MTA3: variants seen among roughly 807,000 people sequenced by gnomAD.
MTA3 encodes metastasis-associated protein MTA3.
Under a neutral mutation model 83.5 loss-of-function variants are expected in MTA3, and 34 were observed. The ratio of observed to expected loss-of-function variants is 0.41; its 90% CI spans 0.31 to 0.54. The LOEUF (loss-of-function observed/expected upper bound fraction) is 0.54, where lower values mean the gene tolerates loss of function less well. Ranked by LOEUF, MTA3 falls within the 20% of genes least tolerant of loss-of-function variation. The pLI, the probability that MTA3 is intolerant of heterozygous loss-of-function variation, is 0.33. For missense variants in MTA3, 761 were observed against 726.4 expected, an observed-to-expected ratio of 1.05 and a Z score of -0.55; for synonymous variants, 303 against 252.7, an observed-to-expected ratio of 1.20 and a Z score of -1.89.
rs1210662629 is a variant in MTA3, at chr2:42,559,589, A to G, written c.-140-10848A>G. ...AGCTGCTGGCTCTGCCTTAAAAAAT[A>G]TATCTCTGGCCAGGCGCAGTGGCTC... is the stretch of plus-strand genomic sequence containing the variant. On this transcript the variant is annotated intron_variant, in intron 2 of 17. Coordinates refer to the MTA3 transcript ENST00000405592. 1.2e-4 allele frequency among the ~76,000 whole-genome samples: 17 copies of G among 144,136 alleles called. No individual in the cohort carries two copies. The East Asian group carries it at 2.7e-3, about 22-fold the overall frequency. 94.6% of individuals were successfully genotyped at this position (144,136 alleles called of 152,430 possible).
At chr2:42,577,540 G>A (rs1404534747) in intron 2 of MTA3, among the ~76,000 whole-genome samples, 1 of 151,478 alleles carries the variant, frequency 6.6e-6, no homozygotes, top group Admixed American at 6.6e-5. Context: ...GAGTGCAGTG[G>A]TGTGGTCTTG....
At position 42,521,692 on chromosome 2, in the gene MTA3, G is replaced by A. The variant is rs181628482; in HGVS notation, c.-141+26438G>A. ...TTCAAGCCAGTTTGAGAAGCCCTTT[G>A]TCAGACTGGCTAATCTAGGCTGGAT... On this transcript the variant is annotated intron_variant, in intron 2 of 17. Transcript: ENST00000405592. 2.6e-3 allele frequency among the ~76,000 whole-genome samples: 391 copies of A among 149,712 alleles called. 2 individuals carry two copies. Among genetic ancestry groups the A allele is most frequent in the African/African-American group, 8.2e-3 (335 of 40,680 alleles).
chr2:42,739,694 A>C (rs922351723), intron 16 of MTA3, among the ~76,000 whole-genome samples: 1 of 152,200 alleles, frequency 6.6e-6, no homozygotes, highest in Non-Finnish European at 1.5e-5. Flanking sequence ...CCCACATTAG[A>C]ACTTCTTTCA....
At chr2:42,705,124 G>A (rs942091433) in intron 12 of MTA3, among the ~76,000 whole-genome samples, 3 of 152,180 alleles carry the variant, frequency 2.0e-5, no homozygotes, top group Non-Finnish European at 4.4e-5. Flanking sequence ...ATAGGAATGA[G>A]GGACGGCTGT....
intron 16 of MTA3, among the ~76,000 whole-genome samples, chr2:42,731,730 C>G (rs1216925222): frequency 6.6e-6 from 1 of 152,204 alleles, no homozygotes; most frequent in Non-Finnish European, 1.5e-5. Context: ...CCAATCATGC[C>G]TTCCCAACAG....
chr2:42,697,402 G>A (rs1264971262), intron 10 of MTA3, among the ~76,000 whole-genome samples: 1 of 152,200 alleles, frequency 6.6e-6, no homozygotes, highest in African/African-American at 2.4e-5. Context: ...GAGAGAGAGT[G>A]AGAGTGTGTG....
chr2:42,661,383 C>G (rs1558555087), intron 8 of MTA3, among the ~76,000 whole-genome samples: 2 of 151,804 alleles, frequency 1.3e-5, no homozygotes, highest in African/African-American at 4.8e-5. Context: ...CGCCTGTCTT[C>G]CCAGATACTT....
At chr2:42,567,551 T>C (rs1168419847), upstream of MTA3, among the ~76,000 whole-genome samples, 1 of 152,054 alleles carries the variant, frequency 6.6e-6, no homozygotes, top group Non-Finnish European at 1.5e-5. Context: ...GTGTTTATTA[T>C]GCAGCAATGT....
At chr2:42,661,152 T>A (rs1689661677) in intron 8 of MTA3, among the ~76,000 whole-genome samples, 1 of 152,208 alleles carries the variant, frequency 6.6e-6, no homozygotes, top group South Asian at 2.1e-4. Context: ...ATCTCCAAAA[T>A]GGGTTTGTAT....
At chr2:42,597,342 G>T (rs1215037122) in intron 3 of MTA3, among the ~76,000 whole-genome samples, 2 of 150,766 alleles carry the variant, frequency 1.3e-5, no homozygotes, top group Non-Finnish European at 2.9e-5. Context: ...TGGGATTACA[G>T]GAGTGAGCCA....
At chr2:42,563,835 T>TTC (rs1677781461), upstream of MTA3, among the ~76,000 whole-genome samples, 2 of 87,340 alleles carry the variant, frequency 2.3e-5, no homozygotes, top group African/African-American at 4.5e-5. Context: ...TTCCTTCCTT[T>TTC]CTTTTTTGAT....
intron 2 of MTA3, among the ~76,000 whole-genome samples, chr2:42,514,582 C>T (rs1343060087): frequency 6.6e-6 from 1 of 151,396 alleles, no homozygotes; most frequent in Non-Finnish European, 1.5e-5. Context: ...TGGGGTTTCA[C>T]CATGTTGGCC....
chr2:42,746,706 C>G lies in MTA3; in HGVS notation c.1760-6668C>G, dbSNP rs1669462303. Among the ~76,000 whole-genome samples, 3 of 152,194 alleles carry G rather than the reference C, an allele frequency of 2.0e-5. No homozygotes were observed. The South Asian group carries it at 6.2e-4, about 31-fold the overall frequency. On this transcript the variant is annotated intron_variant, in intron 16 of 16. Coordinates refer to ENST00000405094, the MANE Select transcript of MTA3 (RefSeq NM_001330442.2). ...CCTAGAATAGGAGAAACATGTTTAC[C>G]TGTCTATTATGAAGGATATTATGCC...
At chr2:42,714,822 A>AGC (rs1666910326) in intron 14 of MTA3, among the ~76,000 whole-genome samples, 1 of 152,190 alleles carries the variant, frequency 6.6e-6, no homozygotes, top group African/African-American at 2.4e-5. Flanking sequence ...TCCCTCGCAT[A>AGC]GCGGTTCACA....
intron 3 of MTA3, among the ~76,000 whole-genome samples, chr2:42,608,113 G>C (rs1233880174): frequency 1.3e-5 from 2 of 152,176 alleles, no homozygotes; most frequent in African/African-American, 4.8e-5. Context: ...GTGAACCAAG[G>C]GATCGTATAA....
intron 2 of MTA3, among the ~76,000 whole-genome samples, chr2:42,524,895 C>A (rs1220667071): frequency 6.8e-6 from 1 of 147,498 alleles, no homozygotes; most frequent in Non-Finnish European, 1.5e-5. Context: ...GGCATCCTGG[C>A]GGGGACCGAA....
chr2:42,660,371 G>A (rs1171366260), intron 8 of MTA3, among the ~76,000 whole-genome samples: 1 of 152,224 alleles, frequency 6.6e-6, no homozygotes, highest in African/African-American at 2.4e-5. Flanking sequence ...ACAGGCATGA[G>A]CCACCACACC....
At chr2:42,640,574 A>G (rs931705236) in intron 5 of MTA3, among the ~76,000 whole-genome samples, 1 of 151,932 alleles carries the variant, frequency 6.6e-6, no homozygotes, top group Admixed American at 6.6e-5. Flanking sequence ...TTTTGTTTTT[A>G]TTTCTTGAAT....
At position 42,641,208 on chromosome 2, in the gene MTA3, GT is replaced by G. The variant is rs1165358003; in HGVS notation, c.381+992del. Among the ~76,000 whole-genome samples the G allele has an allele frequency of 3.5e-3, 467 of 131,704 alleles. 1 individual carries two copies. Among genetic ancestry groups the G allele is most frequent in the Middle Eastern group, 7.7e-3 (2 of 260 alleles). 86.4% of individuals were successfully genotyped at this position (131,704 alleles called of 152,430 possible). Reference sequence around the variant, plus strand: ...AGGCATGAGCCACTGTGCCTGGCCGGTTTTTTTTTTTTTTTTTTTTAAATCT... The same window carrying G: ...AGGCATGAGCCACTGTGCCTGGCCGGTTTTTTTTTTTTTTTTTTTAAATCT... On this transcript the variant is annotated intron_variant, in intron 5 of 16. Coordinates refer to ENST00000405094, the MANE Select transcript of MTA3 (RefSeq NM_001330442.2).
Sources: gnomAD v4.1 joint callset for allele counts (sites outside exome capture counted in the v4.1 genomes callset) on GRCh38, gnomAD v4.1.1 for gene constraint, MANE v1.5 for transcripts, NCBI Gene and HGNC (gene_info 2026-07-23, HGNC 2026-07-21) for gene names.